The following CHL1 variants were observed in gnomAD, a reference collection of about 807,000 sequenced individuals.
The protein encoded by CHL1 is cell adhesion molecule L1 like, also known as neural cell adhesion molecule L1-like protein.
Under a neutral mutation model 141.9 loss-of-function variants are expected in CHL1, and 96 were observed. The observed-to-expected ratio is 0.68, with a 90% confidence interval of 0.57 to 0.80. The LOEUF (loss-of-function observed/expected upper bound fraction) is 0.80, where lower values mean the gene tolerates loss of function less well. Ranked by LOEUF, CHL1 falls within the 30% of genes least tolerant of loss-of-function variation. CHL1 has a pLI of 0.00. For synonymous variants in CHL1, 613 were observed against 502.2 expected (o/e 1.22, Z -2.95); for missense variants, 1,820 against 1,457.2 (o/e 1.25, Z -4.05).
intron 2 of CHL1, among the ~76,000 whole-genome samples, chr3:259,517 G>T (rs1013248382): frequency 2.0e-5 from 3 of 152,004 alleles, no homozygotes; most frequent in African/African-American, 7.2e-5. Flanking sequence ...TTCAAAGTTT[G>T]GTCCTTGAGC....
At chr3:354,900 A>G in intron 11 of CHL1, 129 bp downstream of exon 11, 1 of 1,168,626 alleles carries the variant, frequency 8.6e-7, no homozygotes, top group Non-Finnish European at 1.2e-6. Context: ...CCAGCAAATC[A>G]GAGATTGTTT....
At position 407,313 on chromosome 3, in the gene CHL1, A is replaced by T. The variant is rs1207383350; in HGVS notation, c.*1602A>T. ...AACCCCTTATAGTTCATGGAGACCA[A>T]AATTTGGGGTATTTATAATAGTCAG... On this transcript the variant is annotated 3_prime_UTR_variant, in exon 28 of 28. Coordinates refer to ENST00000256509, the MANE Select transcript of CHL1 (RefSeq NM_006614.4). The T allele has an allele frequency of 2.0e-5, 3 of 152,056 alleles. No individual in the cohort carries two copies. The South Asian group carries it at 6.2e-4, about 32-fold the overall frequency. 9.4% of individuals were successfully genotyped at this position (152,056 alleles called of 1,614,324 possible). A position where few individuals can be genotyped will look rare whatever the true frequency, so the allele number is the denominator to read the frequency against.
intron 1 of CHL1, among the ~76,000 whole-genome samples, chr3:233,788 A>G (rs978545847): frequency 9.9e-5 from 15 of 152,052 alleles, no homozygotes; most frequent in Non-Finnish European, 2.2e-4. Context: ...ATACATAACT[A>G]TATTCTACAT....
At chr3:221,944 C>T (rs1316815719) in intron 1 of CHL1, among the ~76,000 whole-genome samples, 1 of 152,120 alleles carries the variant, frequency 6.6e-6, no homozygotes, top group Non-Finnish European at 1.5e-5. Context: ...CTGTAAGAAG[C>T]AGCATACTTT....
At chr3:206,843 T>C (rs1699483936) in intron 1 of CHL1, among the ~76,000 whole-genome samples, 1 of 152,372 alleles carries the variant, frequency 6.6e-6, no homozygotes, top group African/African-American at 2.4e-5. Flanking sequence ...TACTCTATGA[T>C]ATGAATACGC....
At chr3:382,737 A>T in intron 18 of CHL1, 66 bp downstream of exon 18, 1 of 1,362,778 alleles carries the variant, frequency 7.3e-7, no homozygotes, top group Non-Finnish European at 1.0e-6. Flanking sequence ...GAACATCTAA[A>T]AAAAAAAGAT....
chr3:317,341 C>A (rs977165729), intron 2 of CHL1, among the ~76,000 whole-genome samples: 4 of 151,766 alleles, frequency 2.6e-5, no homozygotes, highest in Non-Finnish European at 5.9e-5. Context: ...AACTTACTGC[C>A]CTAAGTCAAG....
At chr3:364,795 A>G (rs1309848784) in intron 14 of CHL1, among the ~76,000 whole-genome samples, 2 of 152,136 alleles carry the variant, frequency 1.3e-5, no homozygotes, top group Non-Finnish European at 1.5e-5. Context: ...TTATGGCTCA[A>G]TTTCATTTTA....
At chr3:295,483 A>G (rs1360580671) in intron 2 of CHL1, among the ~76,000 whole-genome samples, 1 of 152,244 alleles carries the variant, frequency 6.6e-6, no homozygotes, top group Non-Finnish European at 1.5e-5. Flanking sequence ...AGGCACATTA[A>G]AAAGTAACAT....
intron 25 of CHL1, 106 bp downstream of exon 25, chr3:398,491 A>C: frequency 1.7e-6 from 1 of 599,822 alleles, no homozygotes; most frequent in East Asian, 2.9e-5. Flanking sequence ...TGAGTGTATT[A>C]ATTATGAAAA....
At chr3:286,634 C>G (rs1456275246) in intron 2 of CHL1, among the ~76,000 whole-genome samples, 1 of 141,248 alleles carries the variant, frequency 7.1e-6, no homozygotes, top group South Asian at 2.3e-4. Flanking sequence ...AAAAATTAAA[C>G]AAAGAAAGTA....
At chr3:286,835 C>T (rs967854256) in intron 2 of CHL1, among the ~76,000 whole-genome samples, 2 of 152,078 alleles carry the variant, frequency 1.3e-5, no homozygotes, top group South Asian at 2.1e-4. Context: ...AACTTTCTGA[C>T]GTTGCCATGG....
rs548515570 is a variant in CHL1, at chr3:348,634, T to C, written c.849-725T>C. On this transcript the variant is annotated intron_variant, in intron 9 of 27. Transcript: ENST00000256509. Reference sequence around the variant, plus strand: ...AGTTATCATGCTGGTGTGTAACAAGTTATCATGCTGGTTTTGTTTTGTCTT... The same window carrying C: ...AGTTATCATGCTGGTGTGTAACAAGCTATCATGCTGGTTTTGTTTTGTCTT... 8.5e-5 allele frequency among the ~76,000 whole-genome samples: 13 copies of C among 152,332 alleles called. 1 individual carries two copies. In the South Asian group the frequency reaches 2.3e-3, roughly 27 times the overall value.
rs1221132998 is a variant in CHL1, at chr3:405,857, G to C, written c.*146G>C. 1.6e-6 allele frequency: 1 copy of C among 614,358 alleles called. No individual in the cohort carries two copies. Among genetic ancestry groups the C allele is most frequent in the African/African-American group, 1.9e-5 (1 of 53,698 alleles). 38.1% of individuals were successfully genotyped at this position (614,358 alleles called of 1,614,324 possible). Reference sequence around the variant, plus strand: ...CAACATCCTGCAATTATGTTGAAAAGAGTAGTACTTTCTTCAAAATATAAA... The same window carrying C: ...CAACATCCTGCAATTATGTTGAAAACAGTAGTACTTTCTTCAAAATATAAA... On this transcript the variant is annotated 3_prime_UTR_variant, in exon 28 of 28. Coordinates refer to ENST00000256509, the MANE Select transcript of CHL1 (RefSeq NM_006614.4).
chr3:246,604 A>G (rs1033313729), intron 2 of CHL1: 6 of 151,954 alleles, frequency 3.9e-5, no homozygotes, highest in African/African-American at 1.5e-4. Context: ...AGAATACCCA[A>G]CCTCTCAAGA....
intron 1 of CHL1, among the ~76,000 whole-genome samples, chr3:221,830 T>C (rs1409652074): frequency 2.0e-5 from 3 of 152,250 alleles, no homozygotes; most frequent in African/African-American, 4.8e-5. Flanking sequence ...TATTAATCCA[T>C]TGTGCCTTAG....
chr3:306,961 C>G (rs1699288256), intron 2 of CHL1, among the ~76,000 whole-genome samples: 1 of 152,144 alleles, frequency 6.6e-6, no homozygotes, highest in Non-Finnish European at 1.5e-5. Context: ...GGAATTCGTA[C>G]TTTAAATACA....
intron 2 of CHL1, among the ~76,000 whole-genome samples, chr3:259,759 A>T (rs1395800001): frequency 6.6e-6 from 1 of 152,172 alleles, no homozygotes; most frequent in African/African-American, 2.4e-5. Context: ...TAAATGAACA[A>T]TTGAATAATA....
intron 2 of CHL1, among the ~76,000 whole-genome samples, chr3:317,891 A>T (rs4685579): frequency 0.085 from 12,897 of 151,930 alleles, 758 homozygotes; most frequent in Non-Finnish European, 0.13. Context: ...GTCAATTAAC[A>T]TAGTGACACA....
Sources: allele counts gnomAD v4.1 joint callset (sites outside exome capture counted in the v4.1 genomes callset), GRCh38; gene constraint gnomAD v4.1.1; transcripts MANE v1.5; gene names NCBI Gene and HGNC (gene_info 2026-07-23, HGNC 2026-07-21).